The following CADPS variants were observed in gnomAD, a reference collection of about 807,000 sequenced individuals.
CADPS encodes the protein calcium-dependent secretion activator 1.
In CADPS, 57 loss-of-function variants were observed where a neutral mutation model predicts 167.3. That is an observed-to-expected ratio of 0.34 (90% CI 0.28 to 0.42). The LOEUF (loss-of-function observed/expected upper bound fraction) is 0.42. Ranked by LOEUF, CADPS falls within the 20% of genes least tolerant of loss-of-function variation. The pLI is 1.00. For missense variants in CADPS, 1,414 were observed against 1,738.1 expected (o/e 0.81, Z 3.32); for synonymous variants, 676 against 635.3 (o/e 1.06, Z -0.96).
At chr3:62,634,414 C>T (rs1229043555) in intron 6 of CADPS, among the ~76,000 whole-genome samples, 7 of 152,032 alleles carry the variant, frequency 4.6e-5, no homozygotes, top group Admixed American at 4.6e-4. Flanking sequence ...TTTGTAGTTC[C>T]ACTAATAGAA....
At chr3:62,516,272 A>G in intron 15 of CADPS, 90 bp from the exon 16 acceptor site, 1 of 1,498,880 alleles carries the variant, frequency 6.7e-7, no homozygotes, top group South Asian at 1.2e-5. Flanking sequence ...GTTTAAAATC[A>G]GTTCTTTGTG....
chr3:62,744,924 C>G (rs2081124716), intron 3 of CADPS, among the ~76,000 whole-genome samples: 1 of 152,122 alleles, frequency 6.6e-6, no homozygotes, highest in African/African-American at 2.4e-5. Flanking sequence ...AATATCTGGC[C>G]ATGTGTTCTA....
At chr3:62,703,875 TA>T (rs1160882975) in intron 3 of CADPS, among the ~76,000 whole-genome samples, 1 of 152,130 alleles carries the variant, frequency 6.6e-6, no homozygotes, top group African/African-American at 2.4e-5. Context: ...CCAGTTGACT[TA>T]TCTTCATAGC....
chr3:62,503,491 A>T (rs894876976), intron 17 of CADPS, among the ~76,000 whole-genome samples: 8 of 152,236 alleles, frequency 5.3e-5, no homozygotes, highest in Non-Finnish European at 8.8e-5. Flanking sequence ...GGCTGCAATT[A>T]ATTGCTTTGC....
At chr3:62,648,636 A>AGACTGC (rs1456818554) in intron 5 of CADPS, among the ~76,000 whole-genome samples, 2 of 136,836 alleles carry the variant, frequency 1.5e-5, no homozygotes, top group African/African-American at 5.3e-5. Context: ...CAGTTAGCCA[A>AGACTGC]GACTGCACCT....
At chr3:62,448,718 A>G (rs1029580034) in intron 26 of CADPS, among the ~76,000 whole-genome samples, 1 of 152,006 alleles carries the variant, frequency 6.6e-6, no homozygotes, top group Non-Finnish European at 1.5e-5. Flanking sequence ...AGTTGAAGCA[A>G]TTCTACTGCC....
At chr3:62,772,352 C>T (rs149288004) in intron 1 of CADPS, among the ~76,000 whole-genome samples, 46 of 152,306 alleles carry the variant, frequency 3.0e-4, no homozygotes, top group Non-Finnish European at 6.5e-4. Context: ...GGCCATGTAA[C>T]AGATGCAGAA....
chr3:62,451,586 C>T lies in CADPS; in HGVS notation c.3637-5789G>A, dbSNP rs1207124696. 3.3e-5 allele frequency among the ~76,000 whole-genome samples: 5 copies of T among 151,608 alleles called. No homozygotes were observed. In the South Asian group the frequency reaches 6.3e-4, roughly 19 times the overall value. On this transcript the variant is annotated intron_variant, in intron 26 of 29. Coordinates refer to ENST00000383710, the MANE Select transcript of CADPS (RefSeq NM_003716.4). ...AGATACCACCGCATTAGTGACTGCC[C>T]GAGCGCCCCATGATCTCTCACAAAA...
intron 3 of CADPS, among the ~76,000 whole-genome samples, chr3:62,688,272 G>A (rs1422806057): frequency 2.0e-5 from 3 of 151,586 alleles, no homozygotes; most frequent in Non-Finnish European, 4.4e-5. Flanking sequence ...AATATTCCTA[G>A]ACATTGGCAA....
chr3:62,671,365 A>G (rs2150774779), intron 3 of CADPS, among the ~76,000 whole-genome samples: 1 of 152,178 alleles, frequency 6.6e-6, no homozygotes, highest in African/African-American at 2.4e-5. Flanking sequence ...TGAAGACACA[A>G]GGAACTGAAG....
In CADPS at chr3:62,478,524, ACAAAACAACGTG is replaced by A. The variant is rs1305868273; in HGVS notation, c.3174-120_3174-109del. 1 of 1,027,708 alleles carries A rather than the reference ACAAAACAACGTG, an allele frequency of 9.7e-7. No individual in the cohort carries two copies. The highest frequency in any genetic ancestry group is 1.4e-6 in the Non-Finnish European group (1 of 701,732). 63.7% of individuals were successfully genotyped at this position (1,027,708 alleles called of 1,614,324 possible). On this transcript the variant is annotated intron_variant, in intron 22 of 29. Transcript: ENST00000383710. The surrounding 1 kb of genome is among the most constrained non-coding windows in gnomAD (Gnocchi z 5.7). ...AGAAGGCAAACAGCAGCTTCAACATACAAAACAACGTGTGTTGGCGGTGGAGGCGGGGGCGAG... is the reference window on the plus strand; with the variant it reads ...AGAAGGCAAACAGCAGCTTCAACATATGTTGGCGGTGGAGGCGGGGGCGAG...
chr3:62,556,894 C>T (rs576395178), intron 10 of CADPS, among the ~76,000 whole-genome samples: 2 of 151,678 alleles, frequency 1.3e-5, no homozygotes, highest in East Asian at 3.9e-4. Context: ...TACCAGCTAA[C>T]CTTATGATCT....
intron 20 of CADPS, 78 bp from the exon 21 acceptor site, chr3:62,491,558 A>C (rs5007494): frequency 0.057 from 28,656 of 507,084 alleles, 650 homozygotes; most frequent in African/African-American, 0.17. Context: ...CACACACACA[A>C]ACACACACAC....
Position 62,465,716 on chromosome 3 carries a change from T to C in CADPS, c.3553-266A>G, listed in dbSNP as rs1293054664. On this transcript the variant is annotated intron_variant, in intron 25 of 29. Coordinates refer to ENST00000383710, the MANE Select transcript of CADPS (RefSeq NM_003716.4). This position sits in a 1 kb window ranked among gnomAD's most constrained non-coding sequence, Gnocchi z 4.1. ...AGTGACAAAATATTATTGAGTTGCA[T>C]ATAGCATGCGATAATATTAAATGCA... Among the ~76,000 whole-genome samples, 1 of 152,234 alleles carries C rather than the reference T, an allele frequency of 6.6e-6. No homozygotes were observed. Among genetic ancestry groups the C allele is most frequent in the Non-Finnish European group, 1.5e-5 (1 of 68,050 alleles).
intron 6 of CADPS, among the ~76,000 whole-genome samples, chr3:62,633,194 T>C (rs1269176904): frequency 6.6e-6 from 1 of 152,102 alleles, no homozygotes; most frequent in Non-Finnish European, 1.5e-5. Context: ...AGGAGAGAGT[T>C]TGGGCTCTAT....
chr3:62,859,262 G>T (rs552143929), intron 1 of CADPS, among the ~76,000 whole-genome samples: 1 of 152,104 alleles, frequency 6.6e-6, no homozygotes, highest in East Asian at 1.9e-4. Flanking sequence ...TTATTAATTT[G>T]GTCTAATATT....
chr3:62,763,576 A>T (rs1240187621), intron 2 of CADPS, among the ~76,000 whole-genome samples: 1 of 152,134 alleles, frequency 6.6e-6, no homozygotes, highest in Non-Finnish European at 1.5e-5. Flanking sequence ...GCCAACAGAG[A>T]AGCAATTGGA....
rs556208640 is a variant in CADPS, at chr3:62,688,560, T to A, written c.889-26166A>T. Among the ~76,000 whole-genome samples, 3 of 152,206 alleles carry A rather than the reference T, an allele frequency of 2.0e-5. No homozygotes were observed. The South Asian group carries it at 6.2e-4, about 32-fold the overall frequency. On this transcript the variant is annotated intron_variant, in intron 3 of 29. Coordinates refer to ENST00000383710, the MANE Select transcript of CADPS (RefSeq NM_003716.4). ...TTAAACTCAGGTCTTAACTTCCACA[T>A]AGAGTGTTCCATCTGCTCTGCCAGT...
rs77304510 is a variant in CADPS, at chr3:62,828,448, G to A, written c.441+46141C>T. On this transcript the variant is annotated intron_variant, in intron 1 of 29. Coordinates refer to ENST00000383710, the MANE Select transcript of CADPS (RefSeq NM_003716.4). Reference sequence around the variant, plus strand: ...CTACTGACAAGGAACTGGGCAAATGGCCAATTAGTAACTGAGATAATAGCT... The same window carrying A: ...CTACTGACAAGGAACTGGGCAAATGACCAATTAGTAACTGAGATAATAGCT... Among the ~76,000 whole-genome samples the A allele has an allele frequency of 1.0e-3, 153 of 152,204 alleles. No individual in the cohort carries two copies. In the East Asian group the frequency reaches 0.025, roughly 25 times the overall value.
Sources: allele counts gnomAD v4.1 joint callset (sites outside exome capture counted in the v4.1 genomes callset), GRCh38; gene constraint gnomAD v4.1.1; non-coding constraint Gnocchi (gnomAD v3.1); transcripts MANE v1.5; gene names NCBI Gene and HGNC (gene_info 2026-07-23, HGNC 2026-07-21).